CACNG3: variants seen among roughly 807,000 people sequenced by gnomAD.
CACNG3 encodes the protein calcium voltage-gated channel auxiliary subunit gamma 3, also known as voltage-dependent calcium channel gamma-3 subunit.
In CACNG3, 3 loss-of-function variants were observed where a neutral mutation model predicts 28.5. The ratio of observed to expected loss-of-function variants is 0.11; its 90% CI spans 0.05 to 0.27. CACNG3 has a LOEUF of 0.27. Ranked by LOEUF, CACNG3 falls within the 10% of genes least tolerant of loss-of-function variation. The pLI is 1.00. For synonymous variants in CACNG3, 174 were observed against 162.2 expected (o/e 1.07, Z -0.55); for missense variants, 236 against 414.4 (o/e 0.57, Z 3.74).
At chr16:24,263,430 T>C (rs924979792) in intron 1 of CACNG3, among the ~76,000 whole-genome samples, 7 of 152,226 alleles carry the variant, frequency 4.6e-5, no homozygotes, top group African/African-American at 1.2e-4. Flanking sequence ...CATCATCCAA[T>C]GAAAACAATG....
At chr16:24,283,173 T>G (rs1898851992) in intron 1 of CACNG3, among the ~76,000 whole-genome samples, 1 of 152,162 alleles carries the variant, frequency 6.6e-6, no homozygotes, top group Non-Finnish European at 1.5e-5. Flanking sequence ...GCTATCCTTC[T>G]TTACCAAACA....
chr16:24,354,748 C>A, intron 2 of CACNG3, 85 bp from the exon 3 acceptor site: 1 of 1,371,756 alleles, frequency 7.3e-7, no homozygotes. Context: ...GTGCTGCCTT[C>A]CTCTCAGGCA....
At chr16:24,298,866 G>A (rs544048329) in intron 1 of CACNG3, among the ~76,000 whole-genome samples, 1 of 152,170 alleles carries the variant, frequency 6.6e-6, no homozygotes, top group African/African-American at 2.4e-5. Flanking sequence ...GCCTTGGGCT[G>A]TTTTGCTCAT....
intron 1 of CACNG3, among the ~76,000 whole-genome samples, chr16:24,340,581 T>C (rs1394991095): frequency 2.0e-5 from 3 of 152,048 alleles, no homozygotes. Flanking sequence ...AAAAAGAGTA[T>C]CCGCTTAAGG....
chr16:24,351,638 G>A (rs1404800273), intron 2 of CACNG3, among the ~76,000 whole-genome samples: 1 of 132,808 alleles, frequency 7.5e-6, no homozygotes. Flanking sequence ...AAGGGGAAGG[G>A]GAAGGGGAGG....
Position 24,333,378 on chromosome 16 carries a change from T to C in CACNG3, c.212-13356T>C, listed in dbSNP as rs1899658060. The C allele has an allele frequency of 2.0e-5, 3 of 152,336 alleles. No individual in the cohort carries two copies. The South Asian group carries it at 6.2e-4, about 32-fold the overall frequency. The allele number at this position is 152,336 out of a possible 1,614,324, so 9.4% of individuals were successfully genotyped here. On this transcript the variant is annotated intron_variant, in intron 1 of 3. Coordinates refer to ENST00000005284, the MANE Select transcript of CACNG3 (RefSeq NM_006539.4). ...TACTATGAATAGGAGGCCCTGGGTT[T>C]TTTTTCTTTTATTTTATTCTCTTAA...
chr16:24,324,093 T>C (rs1485360712), intron 1 of CACNG3, among the ~76,000 whole-genome samples: 1 of 152,134 alleles, frequency 6.6e-6, no homozygotes, highest in African/African-American at 2.4e-5. Context: ...CTTATATACA[T>C]TTTTTATTGA....
chr16:24,328,649 G>T (rs1899591193), intron 1 of CACNG3, among the ~76,000 whole-genome samples: 1 of 152,052 alleles, frequency 6.6e-6, no homozygotes, highest in Non-Finnish European at 1.5e-5. Context: ...CGTAAGCTTA[G>T]CAAAGAAAGT....
chr16:24,362,145 T>C lies in CACNG3; in HGVS notation c.*282T>C, dbSNP rs1900110637. ...TTCTTTACTGGAAGGACCTCCACAT[T>C]CTTCCCTCCTTGGAAGAGGACTTTA... is the stretch of plus-strand genomic sequence containing the variant. On this transcript the variant is annotated 3_prime_UTR_variant, in exon 4 of 4. Transcript: ENST00000005284. 2 of 314,172 alleles carry C rather than the reference T, an allele frequency of 6.4e-6. No individual in the cohort carries two copies. Among genetic ancestry groups the C allele is most frequent in the Admixed American group, 4.5e-5 (1 of 21,982 alleles). 19.5% of individuals were successfully genotyped at this position (314,172 alleles called of 1,614,324 possible).
intron 1 of CACNG3, among the ~76,000 whole-genome samples, chr16:24,293,904 GA>G (rs1173570173): frequency 6.6e-6 from 1 of 151,750 alleles, no homozygotes; most frequent in African/African-American, 2.4e-5. Flanking sequence ...AAATATGGGT[GA>G]AAAAAAATAA....
intron 1 of CACNG3, among the ~76,000 whole-genome samples, chr16:24,268,718 G>T (rs1435290422): frequency 6.6e-6 from 1 of 152,240 alleles, no homozygotes; most frequent in African/African-American, 2.4e-5. Context: ...CTGATGGGAT[G>T]CAGGTGAACA....
At chr16:24,287,113 T>C (rs1033601269) in intron 1 of CACNG3, among the ~76,000 whole-genome samples, 2 of 152,222 alleles carry the variant, frequency 1.3e-5, no homozygotes, top group Non-Finnish European at 2.9e-5. Context: ...TCTCCCACTC[T>C]CTTTCTCTTG....
chr16:24,257,061 G>GAAGTTC (rs1898468151), intron 1 of CACNG3, 96 bp downstream of exon 1: 1 of 789,980 alleles, frequency 1.3e-6, no homozygotes, highest in Non-Finnish European at 2.1e-6. Context: ...GGAAAGAAGA[G>GAAGTTC]AAGTTCAAAT....
At chr16:24,273,491 TG>T (rs746082149) in intron 1 of CACNG3, among the ~76,000 whole-genome samples, 2 of 152,234 alleles carry the variant, frequency 1.3e-5, no homozygotes, top group Non-Finnish European at 1.5e-5. Flanking sequence ...TGCCTGTAGC[TG>T]TATTTTTACT....
At chr16:24,353,859 C>A (rs1899992957) in intron 2 of CACNG3, among the ~76,000 whole-genome samples, 1 of 152,130 alleles carries the variant, frequency 6.6e-6, no homozygotes, top group Admixed American at 6.5e-5. Flanking sequence ...GTATACAGGG[C>A]TGGCTGCGTC....
At chr16:24,258,538 T>C (rs1379127960) in intron 1 of CACNG3, among the ~76,000 whole-genome samples, 1 of 152,236 alleles carries the variant, frequency 6.6e-6, no homozygotes, top group Non-Finnish European at 1.5e-5. Flanking sequence ...CTGTATTCAA[T>C]ATACTGACAG....
At chr16:24,340,116 T>C (rs1023281715) in intron 1 of CACNG3, among the ~76,000 whole-genome samples, 3 of 151,998 alleles carry the variant, frequency 2.0e-5, no homozygotes, top group African/African-American at 7.3e-5. Flanking sequence ...ACAAAAAATA[T>C]AAAAATTGGC....
rs149255334 is a variant in CACNG3 at position 24,271,337 on chromosome 16, G to A, written c.211+14372G>A. Among the ~76,000 whole-genome samples, 752 of 152,288 alleles carry A rather than the reference G, an allele frequency of 4.9e-3. 3 individuals carry two copies. The highest frequency in any genetic ancestry group is 0.018 in the African/African-American group (729 of 41,554). ...TCCTTCTTTCACTGAAGACAAGTCC[G>A]TGGTCCCTTATTATTTTTCAGTATT... On this transcript the variant is annotated intron_variant, in intron 1 of 3. Transcript: ENST00000005284.
At chr16:24,280,407 T>TGTTTTCG (rs1171134652) in intron 1 of CACNG3, among the ~76,000 whole-genome samples, 6 of 152,240 alleles carry the variant, frequency 3.9e-5, no homozygotes, top group Non-Finnish European at 7.3e-5. Context: ...AGGGCAATGT[T>TGTTTTCG]GTTTTCGTCC....
Sources: gnomAD v4.1 joint callset for allele counts (sites outside exome capture counted in the v4.1 genomes callset) on GRCh38, gnomAD v4.1.1 for gene constraint, MANE v1.5 for transcripts, NCBI Gene and HGNC (gene_info 2026-07-23, HGNC 2026-07-21) for gene names.